The following RIF1 variants were observed in gnomAD, a reference collection of about 807,000 sequenced individuals.
RIF1 encodes the protein telomere-associated protein RIF1.
In RIF1, 45 loss-of-function variants were observed where a neutral mutation model predicts 247.1. That is an observed-to-expected ratio of 0.18 (90% confidence interval 0.14 to 0.23). The LOEUF (loss-of-function observed/expected upper bound fraction) is 0.23. Among genes scored for constraint, RIF1 ranks in the 10% least tolerant of loss-of-function variants. RIF1 has a pLI of 1.00. For missense variants in RIF1, 2,967 were observed against 2,862.5 expected, an observed-to-expected ratio of 1.04 and a Z score of -0.83; for synonymous variants, 1,087 against 978.8, an observed-to-expected ratio of 1.11 and a Z score of -2.06.
intron 20 of RIF1, 65 bp from the exon 21 acceptor site, chr2:151,451,541 G>A (rs1694318585): frequency 2.5e-6 from 2 of 802,076 alleles, no homozygotes; most frequent in Admixed American, 1.8e-5. Context: ...TTTTCATGTT[G>A]CTTACTTTTG....
intron 9 of RIF1, among the ~76,000 whole-genome samples, chr2:151,494,810 G>A (rs750375108): frequency 9.2e-5 from 14 of 151,984 alleles, no homozygotes; most frequent in Non-Finnish European, 1.3e-4. Flanking sequence ...CACCATGCCC[G>A]GCTAATTTTT....
At chr2:151,496,216 T>C (rs2060071431) in intron 10 of RIF1, 15 of 1,445,848 alleles carry the variant, frequency 1.0e-5, no homozygotes, top group Non-Finnish European at 1.4e-5. Flanking sequence ...TGTATTATTT[T>C]AAATCATAAA....
intron 9 of RIF1, chr2:151,493,406 G>T: frequency 6.2e-7 from 1 of 1,609,080 alleles, no homozygotes; most frequent in Non-Finnish European, 8.5e-7. Context: ...GGAGTAACAG[G>T]TGTCGGAGTT....
rs768100915 is a variant in RIF1, at chr2:151,503,327, TATATG to T, written c.*861+147_*861+151del. The T allele has an allele frequency of 1.9e-5, 29 of 1,531,542 alleles. No homozygotes were observed. The highest frequency in any genetic ancestry group is 4.5e-5 in the East Asian group (2 of 44,420). The allele number at this position is 1,531,542 out of a possible 1,614,324, so 94.9% of individuals were successfully genotyped here. ...AAATTTTTTATGGGAAATAGTTTCT[TATATG>T]ATATATTTGTAAATACCGAGCTAAA... On this transcript the variant is annotated intron_variant and NMD_transcript_variant, in intron 12 of 13. Transcript: ENST00000454583.
the RIF1 span, among the ~76,000 whole-genome samples, chr2:151,526,642 G>A: frequency 1.3e-5 from 2 of 152,184 alleles, no homozygotes; most frequent in African/African-American, 2.4e-5. Flanking sequence ...TCCATAAAGA[G>A]TCCAGCCAGG....
At position 151,454,936 on chromosome 2, in the gene RIF1, C is replaced by T. The variant is rs1694949503; in HGVS notation, c.2386C>T (p.Pro796Ser). Residue 796 changes from proline (P) to serine (S), a missense_variant, in exon 22 of 36, where the codon CCC (proline) becomes TCC (serine). Coordinates refer to ENST00000444746, the MANE Select transcript of RIF1 (RefSeq NM_018151.5). ...PSDWSKKKNE[P>S]LGKLTSLFKL... is the part of the protein sequence containing the mutation. ...AGATTGGTCCAAAAAGAAGAATGAG[C>T]CCCTAGGGAAATTGACTTCTTTATT... The T allele has an allele frequency of 2.5e-6, 4 of 1,611,834 alleles. No homozygotes were observed. Among genetic ancestry groups the T allele is most frequent in the Admixed American group, 3.3e-5 (2 of 59,854 alleles).
rs1193604708 is a variant in RIF1, at chr2:151,478,493, TTAATTC to T, written c.*3426_*3431del. The stretch of plus-strand genomic sequence containing the variant: ...TGTCTCGCAAAAAAAAAAAAAAAGT[TTAATTC>T]TAACATTGCCCATGGATTTTTTTTT... On this transcript the variant is annotated 3_prime_UTR_variant, in exon 36 of 36. Coordinates refer to ENST00000444746, the MANE Select transcript of RIF1 (RefSeq NM_018151.5). The T allele has an allele frequency of 2.0e-5, 3 of 151,856 alleles. No individual in the cohort carries two copies. The highest frequency in any genetic ancestry group is 3.9e-4 in the East Asian group (2 of 5,178). The allele number at this position is 151,856 out of a possible 1,614,324, so 9.4% of individuals were successfully genotyped here. A position where few individuals can be genotyped will look rare whatever the true frequency, so the allele number is the denominator to read the frequency against.
chr2:151,493,476 A>C (rs1334155466), intron 9 of RIF1: 2 of 1,441,682 alleles, frequency 1.4e-6, no homozygotes, highest in Non-Finnish European at 1.9e-6. Flanking sequence ...TCTAGGCATC[A>C]GACAGCAGAA....
Position 151,469,801 on chromosome 2 carries a change from T to G in RIF1, c.7032T>G (p.Leu2344=), listed in dbSNP as rs778213542. Residue 2344 remains leucine, a synonymous_variant, in exon 34 of 36, where the codon CTT becomes CTG. Coordinates refer to ENST00000444746, the MANE Select transcript of RIF1 (RefSeq NM_018151.5). ...TTACAGCATCTGAAATAAAAACTCT[T>G]CCTATCCGTTCTCCAAAAGTGTCCA... is the stretch of plus-strand genomic sequence containing the variant. ...STLTASEIKT[L]PIRSPKVSNV... 4.3e-6 allele frequency: 7 copies of G among 1,611,922 alleles called. No individual in the cohort carries two copies. The South Asian group carries it at 7.7e-5, about 18-fold the overall frequency.
At chr2:151,411,193 G>A in intron 2 of RIF1, 67 bp from the exon 3 acceptor site, 1 of 944,898 alleles carries the variant, frequency 1.1e-6, no homozygotes, top group Non-Finnish European at 1.7e-6. Context: ...GATTGTACAT[G>A]TATTTTTGAG....
intron 14 of RIF1, 107 bp from the exon 15 acceptor site, chr2:151,439,920 C>T: frequency 1.8e-6 from 1 of 567,482 alleles, no homozygotes; most frequent in African/African-American, 2.1e-5. Context: ...TTGCAGTGAG[C>T]CAAGGTTGTG....
the RIF1 span, chr2:151,518,925 G>A: frequency 7.1e-7 from 1 of 1,410,564 alleles, no homozygotes; most frequent in African/African-American, 1.4e-5. Flanking sequence ...GTTCCAAATG[G>A]GTAAAACAAG....
intron 9 of RIF1, chr2:151,493,515 G>C (rs2058116879): frequency 9.9e-7 from 1 of 1,007,308 alleles, no homozygotes; most frequent in African/African-American, 1.6e-5. Context: ...TCACTTAGCT[G>C]GTGTTATGGC....
rs200777454 is a variant in RIF1 at position 151,474,936 on chromosome 2, G to C, written c.7284G>C (p.Leu2428=). ...AGATTAGTGCTCTTGCTCTTCAGCT[G>C]GATTCAGAAGATCTTCATAATTATT... The part of the protein sequence containing the change: ...LAQISALALQ[L]DSEDLHNYSG... Residue 2428 remains leucine (L), a synonymous_variant, in exon 36 of 36, where the codon CTG becomes CTC. Transcript: ENST00000444746. 314 of 1,610,098 alleles carry C rather than the reference G, an allele frequency of 2.0e-4. No individual in the cohort carries two copies. The highest frequency in any genetic ancestry group is 2.4e-4 in the Non-Finnish European group (285 of 1,176,584).
Position 151,461,143 on chromosome 2 carries a change from A to G in RIF1, c.3081A>G (p.Lys1027=). 1.9e-6 allele frequency: 3 copies of G among 1,603,380 alleles called. No homozygotes were observed. The highest frequency in any genetic ancestry group is 2.5e-6 in the Non-Finnish European group (3 of 1,177,582). Residue 1027 remains lysine (K), a synonymous_variant, in exon 27 of 36, where the codon AAA becomes AAG. Transcript: ENST00000444746. The part of the protein sequence containing the change: ...KENMKPAAKL[K]LESSSLKVKG... The stretch of plus-strand genomic sequence containing the variant: ...TTATTTTTTCAAATCTGCAGCTGAA[A>G]CTTGAATCTTCGTCTTTAAAAGTAA...
chr2:151,445,234 T>C (rs1203498121), intron 18 of RIF1, 104 bp from the exon 19 acceptor site: 9 of 721,550 alleles, frequency 1.2e-5, no homozygotes, highest in African/African-American at 1.1e-4. Flanking sequence ...AATCTCATCA[T>C]TGGGGAACAC....
At chr2:151,526,173 G>A in the RIF1 span, 2 of 1,613,808 alleles carry the variant, frequency 1.2e-6, no homozygotes, top group Non-Finnish European at 8.5e-7. Flanking sequence ...ACACCAGGTT[G>A]CTGACAGTCT....
rs2049162545 is a variant in RIF1, at chr2:151,481,419, T to G, written c.*6348T>G. The G allele has an allele frequency of 6.6e-6, 1 of 152,226 alleles. No homozygotes were observed. Among genetic ancestry groups the G allele is most frequent in the African/African-American group, 2.4e-5 (1 of 41,452 alleles). 9.4% of individuals were successfully genotyped at this position (152,226 alleles called of 1,614,324 possible). A position where few individuals can be genotyped will look rare whatever the true frequency, so the allele number is the denominator to read the frequency against. On this transcript the variant is annotated 3_prime_UTR_variant, in exon 36 of 36. Transcript: ENST00000444746. ...TACAGTTACGTATTTGCCATGATGT[T>G]AAGGGACCTTGATGGTCTGTGAATT...
chr2:151,415,741 G>A (rs1454207437), intron 4 of RIF1, among the ~76,000 whole-genome samples: 2 of 151,854 alleles, frequency 1.3e-5, no homozygotes, highest in African/African-American at 2.4e-5. Context: ...GCTGGGTGTG[G>A]TGGCGCATTC....
Sources: allele counts gnomAD v4.1 joint callset (sites outside exome capture counted in the v4.1 genomes callset), GRCh38; gene constraint gnomAD v4.1.1; transcripts MANE v1.5; gene names NCBI Gene and HGNC (gene_info 2026-07-23, HGNC 2026-07-21).